The following ACTR1A variants were observed in gnomAD, a reference collection of about 807,000 sequenced individuals.
ACTR1A encodes the protein alpha-centractin.
Under a neutral mutation model 50.7 loss-of-function variants are expected in ACTR1A, and 10 were observed. That is an observed-to-expected ratio of 0.20 (90% CI 0.12 to 0.33). The LOEUF is 0.33. Among genes scored for constraint, ACTR1A ranks in the 10% least tolerant of loss-of-function variants. ACTR1A has a pLI of 1.00. For missense variants in ACTR1A, 253 were observed against 491.7 expected (o/e 0.51, Z 4.59); for synonymous variants, 177 against 184.2 (o/e 0.96, Z 0.32).
At chr10:102,485,993 T>A (rs2062166463) in intron 4 of ACTR1A, among the ~76,000 whole-genome samples, 1 of 152,198 alleles carries the variant, frequency 6.6e-6, no homozygotes, top group Admixed American at 6.5e-5. Flanking sequence ...AAGATTGTTA[T>A]ACAGGCCCCT....
chr10:102,485,055 A>C (rs1332272740), intron 5 of ACTR1A, among the ~76,000 whole-genome samples: 1 of 152,166 alleles, frequency 6.6e-6, no homozygotes, highest in Admixed American at 6.5e-5. Context: ...TTGATGGGAC[A>C]CCTCTTGATT....
At chr10:102,483,644 GC>G (rs933854415) in intron 6 of ACTR1A, 1 of 165,590 alleles carries the variant, frequency 6.0e-6, no homozygotes, top group Non-Finnish European at 1.3e-5. Context: ...TTTGAGACCA[GC>G]CTGATCAACA....
At chr10:102,502,529 G>A (rs374874635) in intron 1 of ACTR1A, 71 bp downstream of exon 1, 6 of 1,568,244 alleles carry the variant, frequency 3.8e-6, no homozygotes, top group African/African-American at 2.7e-5. Context: ...GGCTCAGGCT[G>A]AACCCCGGGA....
intron 1 of ACTR1A, among the ~76,000 whole-genome samples, chr10:102,498,470 C>T (rs2062232803): frequency 6.6e-6 from 1 of 152,008 alleles, no homozygotes; most frequent in Non-Finnish European, 1.5e-5. Flanking sequence ...GAATGTTGAT[C>T]CATTTTAGGT....
At chr10:102,493,981 G>A (rs1158885431) in intron 1 of ACTR1A, among the ~76,000 whole-genome samples, 1 of 152,216 alleles carries the variant, frequency 6.6e-6, no homozygotes, top group Non-Finnish European at 1.5e-5. Context: ...GGCCTGCCAT[G>A]CCAGTCATAG....
Position 102,487,744 on chromosome 10 carries a change from G to A in ACTR1A, c.315+406C>T, listed in dbSNP as rs1308730969. Among the ~76,000 whole-genome samples, 9 of 149,912 alleles carry A rather than the reference G, an allele frequency of 6.0e-5. No individual in the cohort carries two copies. In the East Asian group the frequency reaches 1.6e-3, roughly 26 times the overall value. On this transcript the variant is annotated intron_variant, in intron 4 of 10. Transcript: ENST00000369905. ...CCTCCCGGGTTCACGCCATTCTCCT[G>A]CCTCAGCCTCCGGAGTAGCTGGGAC...
At position 102,488,349 on chromosome 10, in the gene ACTR1A, T is replaced by G; in HGVS notation, c.190-74A>C. 1 of 1,576,058 alleles carries G rather than the reference T, an allele frequency of 6.3e-7. No individual in the cohort carries two copies. Among genetic ancestry groups the G allele is most frequent in the Non-Finnish European group, 8.7e-7 (1 of 1,149,982 alleles). ...ACCCTGTTCTCCCAAGACTAAGCAGTGCAAGCTGAATCCCTTGCAAAGAAG... is the reference window on the plus strand; with the variant it reads ...ACCCTGTTCTCCCAAGACTAAGCAGGGCAAGCTGAATCCCTTGCAAAGAAG... On this transcript the variant is annotated intron_variant, in intron 3 of 10. Coordinates refer to ENST00000369905, the MANE Select transcript of ACTR1A (RefSeq NM_005736.4). The surrounding 1 kb of genome is among the most constrained non-coding windows in gnomAD (Gnocchi z 4.4).
rs74445819 is a variant in ACTR1A, at chr10:102,482,600, C to A, written c.750+411G>T. 256 of 265,372 alleles carry A rather than the reference C, an allele frequency of 9.6e-4. 3 individuals carry two copies. The East Asian group carries it at 0.02, about 21-fold the overall frequency. The allele number at this position is 265,372 out of a possible 1,614,324, so 16.4% of individuals were successfully genotyped here. A position where few individuals can be genotyped will look rare whatever the true frequency, so the allele number is the denominator to read the frequency against. ...CTTCCTCCCCTCTAGCGGGAGGGAG[C>A]AAAGTTCTGGCTGCCTCCTCTGCAG... On this transcript the variant is annotated intron_variant, in intron 7 of 10. Coordinates refer to ENST00000369905, the MANE Select transcript of ACTR1A (RefSeq NM_005736.4). This position sits in a 1 kb window ranked among gnomAD's most constrained non-coding sequence, Gnocchi z 5.6.
At chr10:102,500,977 G>A (rs2062248111) in intron 1 of ACTR1A, among the ~76,000 whole-genome samples, 2 of 151,074 alleles carry the variant, frequency 1.3e-5, no homozygotes, top group Admixed American at 6.6e-5. Context: ...AGGCTTAAGC[G>A]GGAGGATCAC....
At position 102,480,531 on chromosome 10, in the gene ACTR1A, CT is replaced by C. The variant is rs2062133520; in HGVS notation, c.*331del. On this transcript the variant is annotated 3_prime_UTR_variant, in exon 11 of 11. Coordinates refer to ENST00000369905, the MANE Select transcript of ACTR1A (RefSeq NM_005736.4). ...AGCAGCAAGGTCTCCCGGGGGATGG[CT>C]TACCTCCCTCTGTCTCCCTGTGGTA... is the stretch of plus-strand genomic sequence containing the variant. 5.9e-6 allele frequency: 2 copies of C among 341,402 alleles called. No individual in the cohort carries two copies. Among genetic ancestry groups the C allele is most frequent in the African/African-American group, 4.2e-5 (2 of 47,706 alleles). The allele number at this position is 341,402 out of a possible 1,614,324, so 21.1% of individuals were successfully genotyped here. A position where few individuals can be genotyped will look rare whatever the true frequency, so the allele number is the denominator to read the frequency against.
In ACTR1A at chr10:102,488,934, A is replaced by G. The variant is rs1300559712; in HGVS notation, c.189+129T>C. The G allele has an allele frequency of 1.5e-6, 1 of 646,172 alleles. No individual in the cohort carries two copies. Among genetic ancestry groups the G allele is most frequent in the Non-Finnish European group, 2.4e-6 (1 of 409,892 alleles). 40.0% of individuals were successfully genotyped at this position (646,172 alleles called of 1,614,324 possible). On this transcript the variant is annotated intron_variant, in intron 3 of 10. Coordinates refer to ENST00000369905, the MANE Select transcript of ACTR1A (RefSeq NM_005736.4). The surrounding 1 kb of genome is among the most constrained non-coding windows in gnomAD (Gnocchi z 4.4). ...CCTAAGCCTAGGATGAGAGAATCAAAAAGGAGATTTTCAGAGAAAGTTGCC... is the reference window on the plus strand; with the variant it reads ...CCTAAGCCTAGGATGAGAGAATCAAGAAGGAGATTTTCAGAGAAAGTTGCC...
intron 6 of ACTR1A, 54 bp downstream of exon 6, chr10:102,484,106 G>T: frequency 6.4e-7 from 1 of 1,572,368 alleles, no homozygotes; most frequent in Non-Finnish European, 8.7e-7. Flanking sequence ...CAAGGTCCTG[G>T]GTGCTATGCT....
intron 9 of ACTR1A, 114 bp from the exon 10 acceptor site, chr10:102,481,286 T>A: frequency 1.7e-6 from 2 of 1,200,406 alleles, no homozygotes; most frequent in Non-Finnish European, 2.3e-6. Context: ...AGCCTGAAGC[T>A]CTGGCCTCTC....
At chr10:102,490,760 A>AG (rs1344541197) in intron 1 of ACTR1A, 147 bp from the exon 2 acceptor site, 3 of 584,228 alleles carry the variant, frequency 5.1e-6, no homozygotes, top group Non-Finnish European at 9.0e-6. Context: ...TGGGAGGCAG[A>AG]GGCAGGCGGA....
intron 9 of ACTR1A, 44 bp from the exon 10 acceptor site, chr10:102,481,216 C>A: frequency 6.5e-7 from 1 of 1,539,286 alleles, no homozygotes; most frequent in South Asian, 1.3e-5. Context: ...TCCAGCCCTC[C>A]CGCTCCCTTT....
Position 102,488,270 on chromosome 10 carries a change from G to A in ACTR1A, c.195C>T (p.His65=). ...DIFIGPKAEE[H]RGLLSIRYPM... is the part of the protein sequence containing the mutation. ...GATAGCGGATTGAAAGCAGCCCTCG[G>A]TGCTCCTGGGAAAAGAGAACAGGAC... The change falls in exon 4 of 11, where the codon CAC becomes CAT. Residue 65 remains histidine (H), a synonymous_variant. Coordinates refer to ENST00000369905, the MANE Select transcript of ACTR1A (RefSeq NM_005736.4). This position sits in a 1 kb window ranked among gnomAD's most constrained non-coding sequence, Gnocchi z 4.4. 1 of 1,613,434 alleles carries A rather than the reference G, an allele frequency of 6.2e-7. No individual in the cohort carries two copies. Among genetic ancestry groups the A allele is most frequent in the African/African-American group, 1.3e-5 (1 of 75,026 alleles).
chr10:102,493,002 A>AAAAAAAAAAAAAAAAAAAAC (rs2062201975), intron 1 of ACTR1A, among the ~76,000 whole-genome samples: 1 of 22,206 alleles, frequency 4.5e-5, no homozygotes, highest in African/African-American at 1.5e-4. Flanking sequence ...ACTCCACCTC[A>AAAAAAAAAAAAAAAAAAAAC]AAAAAAAAAA....
rs754163690 is a variant in ACTR1A at position 102,484,199 on chromosome 10, G to A, written c.618C>T (p.His206=). 5.4e-5 allele frequency: 87 copies of A among 1,614,114 alleles called. No homozygotes were observed. The Admixed American group carries it at 7.3e-4, about 14-fold the overall frequency. ...LYLRKEGYDF[H]SSSEFEIVKA... is the part of the protein sequence containing the mutation. ...TGACAATCTCAAACTCAGAGGATGA[G>A]TGGAAGTCGTAGCCCTCCTTACGCA... Residue 206 remains histidine, a synonymous_variant, in exon 6 of 11, where the codon CAC becomes CAT. Transcript: ENST00000369905.
At position 102,489,054 on chromosome 10, in the gene ACTR1A, G is replaced by T; in HGVS notation, c.189+9C>A. Reference sequence around the variant, plus strand: ...GGCTTAAGGCTTGTTCTGTAGGCCTGGGAATTACCTCAGCTTTGGGGCCAA... The same window carrying T: ...GGCTTAAGGCTTGTTCTGTAGGCCTTGGAATTACCTCAGCTTTGGGGCCAA... On this transcript the variant is annotated intron_variant, in intron 3 of 10. Coordinates refer to ENST00000369905, the MANE Select transcript of ACTR1A (RefSeq NM_005736.4). 1 of 1,551,042 alleles carries T rather than the reference G, an allele frequency of 6.4e-7. No homozygotes were observed. The highest frequency in any genetic ancestry group is 8.7e-7 in the Non-Finnish European group (1 of 1,146,874).
Sources: allele counts gnomAD v4.1 joint callset (sites outside exome capture counted in the v4.1 genomes callset), GRCh38; gene constraint gnomAD v4.1.1; non-coding constraint Gnocchi (gnomAD v3.1); transcripts MANE v1.5; gene names NCBI Gene and HGNC (gene_info 2026-07-23, HGNC 2026-07-21).